Variants in PMFBP1 observed in about 807,000 individuals in gnomAD.
PMFBP1 encodes the protein polyamine-modulated factor 1-binding protein 1.
In PMFBP1, 131 loss-of-function variants were observed where a neutral mutation model predicts 137.8. The ratio of observed to expected loss-of-function variants is 0.95; its 90% confidence interval spans 0.82 to 1.10. The LOEUF (loss-of-function observed/expected upper bound fraction) is 1.10. PMFBP1 is among the 50% of genes least tolerant of loss of function. PMFBP1 has a pLI of 0.00. For missense variants in PMFBP1, 1,199 were observed against 1,175.4 expected, an observed-to-expected ratio of 1.02 and a Z score of -0.29; for synonymous variants, 490 against 450.4, an observed-to-expected ratio of 1.09 and a Z score of -1.11.
chr16:72,184,106 C>T, the PMFBP1 span, among the ~76,000 whole-genome samples: 10 of 152,326 alleles, frequency 6.6e-5, no homozygotes, highest in East Asian at 1.7e-3. Context: ...CTTCTGACGG[C>T]TCCTTCGCTT....
chr16:72,151,397 G>C (rs1243286256), intron 4 of PMFBP1, among the ~76,000 whole-genome samples: 1 of 152,216 alleles, frequency 6.6e-6, no homozygotes, highest in Non-Finnish European at 1.5e-5. Flanking sequence ...ATTGTGTTAA[G>C]TGCAGAGGGG....
At chr16:72,146,457 C>A (rs1183948843) in intron 5 of PMFBP1, among the ~76,000 whole-genome samples, 2 of 152,066 alleles carry the variant, frequency 1.3e-5, no homozygotes, top group African/African-American at 2.4e-5. Context: ...CCCTTTGAAA[C>A]CCAGCACAAG....
intron 2 of PMFBP1, among the ~76,000 whole-genome samples, chr16:72,169,904 G>C (rs910154662): frequency 6.6e-6 from 1 of 152,128 alleles, no homozygotes; most frequent in African/African-American, 2.4e-5. Context: ...GGCTAGATTA[G>C]TGTTTGCCAT....
the PMFBP1 span, among the ~76,000 whole-genome samples, chr16:72,237,441 TA>T: frequency 2.5e-3 from 373 of 151,550 alleles, 1 homozygote; most frequent in African/African-American, 8.4e-3. Flanking sequence ...ATAGTCACAT[TA>T]AAAAAAAATT....
At chr16:72,126,674 T>C (rs1250876591) in intron 14 of PMFBP1, among the ~76,000 whole-genome samples, 2 of 152,214 alleles carry the variant, frequency 1.3e-5, no homozygotes, top group Admixed American at 1.3e-4. Context: ...ACGTGAAATA[T>C]TGCATTTTTG....
At chr16:72,165,303 G>C (rs921310126) in intron 2 of PMFBP1, among the ~76,000 whole-genome samples, 2 of 152,142 alleles carry the variant, frequency 1.3e-5, no homozygotes, top group African/African-American at 4.8e-5. Context: ...GACAAGTATA[G>C]TGAATCCATG....
intron 9 of PMFBP1, among the ~76,000 whole-genome samples, chr16:72,135,752 T>TTG (rs1199678652): frequency 7.2e-6 from 1 of 139,822 alleles, no homozygotes; most frequent in African/African-American, 2.7e-5. Flanking sequence ...TTTTTTTTTT[T>TTG]TTTTTTTTTT....
Position 72,119,109 on chromosome 16 carries a change from C to T in PMFBP1, c.*229G>A, listed in dbSNP as rs2042339025. Reference sequence around the variant, plus strand: ...TCACCACAACTGCTGTGCTCATGCTCATGTCTTTATTTCAGAGTTTGGGCC... The same window carrying T: ...TCACCACAACTGCTGTGCTCATGCTTATGTCTTTATTTCAGAGTTTGGGCC... On this transcript the variant is annotated 3_prime_UTR_variant, in exon 21 of 21. Coordinates refer to ENST00000237353, the MANE Select transcript of PMFBP1 (RefSeq NM_031293.3). The T allele has an allele frequency of 3.9e-6, 2 of 515,320 alleles. No homozygotes were observed. The highest frequency in any genetic ancestry group is 6.9e-6 in the Non-Finnish European group (2 of 289,720). The allele number at this position is 515,320 out of a possible 1,614,324, so 31.9% of individuals were successfully genotyped here.
At chr16:72,118,765 G>GT (rs1555541155), downstream of PMFBP1, among the ~76,000 whole-genome samples, 5 of 71,820 alleles carry the variant, frequency 7.0e-5, no homozygotes, top group Non-Finnish European at 1.3e-4. Context: ...GTGGTGGGCG[G>GT]GGGGGCAGGT....
chr16:72,118,309 C>A (rs953439882), downstream of PMFBP1, among the ~76,000 whole-genome samples: 2 of 152,212 alleles, frequency 1.3e-5, 1 homozygote, highest in Middle Eastern at 6.3e-3. Flanking sequence ...CAACAACTAT[C>A]ATAACAGAAA....
intron 5 of PMFBP1, among the ~76,000 whole-genome samples, chr16:72,140,926 G>GTTTT (rs1567629530): frequency 2.5e-4 from 21 of 83,552 alleles, no homozygotes; most frequent in African/African-American, 9.5e-4. Flanking sequence ...ACACAAATGA[G>GTTTT]TCTTTTTTTT....
intron 16 of PMFBP1, 112 bp from the exon 17 acceptor site, chr16:72,125,046 T>C: frequency 7.0e-7 from 1 of 1,431,600 alleles, no homozygotes; most frequent in Admixed American, 2.1e-5. Flanking sequence ...GGGGGTATTT[T>C]CTTCTCAGTG....
chr16:72,192,612 G>T, the PMFBP1 span, among the ~76,000 whole-genome samples: 1 of 152,164 alleles, frequency 6.6e-6, no homozygotes, highest in East Asian at 1.9e-4. Context: ...GCAGGGCCGG[G>T]TGTGGTGGCT....
chr16:72,163,852 A>G (rs1160187716), intron 3 of PMFBP1, among the ~76,000 whole-genome samples: 1 of 151,808 alleles, frequency 6.6e-6, no homozygotes, highest in African/African-American at 2.4e-5. Flanking sequence ...GTTCTTACTT[A>G]TAAGTGGGAG....
Position 72,164,837 on chromosome 16 carries a change from T to A in PMFBP1, c.92A>T (p.Asp31Val). ...GGTCTTCCTCTGTCTCTTGCAGACA[T>A]CGTGCAGATTCTTGATGTCAAGTTG... Reference protein sequence around the residue: ...SLQLDIKNLHDVCKRQRKTLQ... With the variant: ...SLQLDIKNLHVVCKRQRKTLQ... Residue 31 changes from aspartate to valine, a missense_variant, in exon 3 of 21, where the codon GAT (aspartate) becomes GTT (valine). By Grantham distance (152) the Asp-to-Val change is radical. Transcript: ENST00000237353. The A allele has an allele frequency of 2.5e-6, 4 of 1,610,228 alleles. No individual in the cohort carries two copies. Among genetic ancestry groups the A allele is most frequent in the Non-Finnish European group, 3.4e-6 (4 of 1,176,742 alleles).
chr16:72,249,054 TG>T, the PMFBP1 span, among the ~76,000 whole-genome samples: 1 of 152,076 alleles, frequency 6.6e-6, no homozygotes, highest in Non-Finnish European at 1.5e-5. Flanking sequence ...GCTTTTTGGT[TG>T]TAAGCGATCA....
chr16:72,172,376 C>T (rs2043230708), upstream of PMFBP1: 1 of 150,794 alleles, frequency 6.6e-6, no homozygotes, highest in African/African-American at 2.4e-5. Flanking sequence ...GCTACATGTC[C>T]TTTATGAGTC....
At chr16:72,181,486 G>C (rs2043276203), upstream of PMFBP1, among the ~76,000 whole-genome samples, 1 of 152,122 alleles carries the variant, frequency 6.6e-6, no homozygotes, top group Non-Finnish European at 1.5e-5. Flanking sequence ...ACATCTGAGA[G>C]TCAACTCAAA....
chr16:72,249,212 C>A, the PMFBP1 span, among the ~76,000 whole-genome samples: 3 of 152,006 alleles, frequency 2.0e-5, no homozygotes, highest in Admixed American at 6.6e-5. Flanking sequence ...TCAGTGTCTT[C>A]CAGCTGAGCT....
Sources: allele counts gnomAD v4.1 joint callset (sites outside exome capture counted in the v4.1 genomes callset), GRCh38; gene constraint gnomAD v4.1.1; transcripts MANE v1.5; gene names NCBI Gene and HGNC (gene_info 2026-07-23, HGNC 2026-07-21).